Variants in SYT17 observed in about 807,000 individuals in gnomAD.
The protein encoded by SYT17 is synaptotagmin-17.
Under a neutral mutation model 46.7 loss-of-function variants are expected in SYT17, and 22 were observed. The observed-to-expected ratio is 0.47, with a 90% CI of 0.34 to 0.67. The LOEUF (loss-of-function observed/expected upper bound fraction) is 0.67. Among genes scored for constraint, SYT17 ranks in the 30% least tolerant of loss-of-function variants. SYT17 has a pLI of 0.01. For missense variants in SYT17, 519 were observed against 612.8 expected, an observed-to-expected ratio of 0.85 and a Z score of 1.62; for synonymous variants, 251 against 248.4, an observed-to-expected ratio of 1.01 and a Z score of -0.10.
At chr16:19,211,454 T>G (rs1382884509) in intron 5 of SYT17, 3 of 703,470 alleles carry the variant, frequency 4.3e-6, no homozygotes, top group Non-Finnish European at 7.8e-6. Flanking sequence ...GAGAAAAAGG[T>G]AAGGACCAAG....
intron 5 of SYT17, among the ~76,000 whole-genome samples, chr16:19,197,458 A>AT (rs778828100): frequency 9.3e-5 from 13 of 139,784 alleles, no homozygotes; most frequent in Non-Finnish European, 1.9e-4. Flanking sequence ...TATTATTATT[A>AT]TTTTTTTTGA....
chr16:19,220,299 C>CTTTCTTTT lies in SYT17; in HGVS notation c.952-2742_952-2735dup, dbSNP rs1391724932. 3.3e-4 allele frequency among the ~76,000 whole-genome samples: 12 copies of CTTTCTTTT among 36,364 alleles called. 1 individual carries two copies. Among genetic ancestry groups the CTTTCTTTT allele is most frequent in the African/African-American group, 1.6e-3 (11 of 7,036 alleles). The allele number at this position is 36,364 out of a possible 152,430, so 23.9% of individuals were successfully genotyped here. On this transcript the variant is annotated intron_variant, in intron 5 of 7. Coordinates refer to ENST00000355377, the MANE Select transcript of SYT17 (RefSeq NM_016524.4). Reference sequence around the variant, plus strand: ...ATTATTCAATGACATTTCTTTCTTTCTTTCTTTTTTTTTTTTTTTTTGAGA... The same window carrying CTTTCTTTT: ...ATTATTCAATGACATTTCTTTCTTTCTTTCTTTTTTTCTTTTTTTTTTTTTTTTTGAGA...
chr16:19,198,982 G>A (rs534358257), intron 5 of SYT17, among the ~76,000 whole-genome samples: 63 of 152,070 alleles, frequency 4.1e-4, no homozygotes, highest in Non-Finnish European at 7.9e-4. Context: ...CTGAGTGGTC[G>A]GTGGGTGGGT....
intron 5 of SYT17, among the ~76,000 whole-genome samples, chr16:19,206,890 C>G (rs372958685): frequency 2.0e-5 from 3 of 152,322 alleles, no homozygotes; most frequent in African/African-American, 7.2e-5. Context: ...ACCCCCATTG[C>G]TATAGTTTGG....
intron 5 of SYT17, among the ~76,000 whole-genome samples, chr16:19,186,605 G>C (rs1964801076): frequency 2.6e-5 from 4 of 152,264 alleles, no homozygotes; most frequent in Admixed American, 2.6e-4. Flanking sequence ...CCTTGCTGGT[G>C]CTATTATCAG....
At chr16:19,215,589 T>G (rs229027) in intron 5 of SYT17, among the ~76,000 whole-genome samples, 45,043 of 151,994 alleles carry the variant, frequency 0.3, 7,513 homozygotes, top group African/African-American at 0.44. Flanking sequence ...TTTTTTAATT[T>G]TTTTGTAGCA....
At chr16:19,217,066 C>A (rs768506537) in intron 5 of SYT17, among the ~76,000 whole-genome samples, 2 of 152,088 alleles carry the variant, frequency 1.3e-5, no homozygotes, top group Admixed American at 1.3e-4. Context: ...TTTTAATGAT[C>A]GCCATTTTAA....
At chr16:19,182,143 G>A (rs531941441) in intron 4 of SYT17, among the ~76,000 whole-genome samples, 8 of 152,186 alleles carry the variant, frequency 5.3e-5, no homozygotes, top group Non-Finnish European at 7.4e-5. Context: ...GGCTGGGCGC[G>A]GTGGCTCACG....
At chr16:19,193,129 T>C (rs1448630950) in intron 5 of SYT17, among the ~76,000 whole-genome samples, 1 of 152,246 alleles carries the variant, frequency 6.6e-6, no homozygotes, top group African/African-American at 2.4e-5. Context: ...GATGTTGTGA[T>C]GGTTTCATAA....
At chr16:19,188,106 T>C (rs1384477204) in intron 5 of SYT17, among the ~76,000 whole-genome samples, 1 of 152,162 alleles carries the variant, frequency 6.6e-6, no homozygotes, top group Non-Finnish European at 1.5e-5. Context: ...AGTGATAGAC[T>C]GGATAAAGAA....
chr16:19,170,985 C>G (rs1385109965), intron 1 of SYT17: 1 of 152,110 alleles, frequency 6.6e-6, no homozygotes, highest in Admixed American at 6.5e-5. Flanking sequence ...CCTGTCCCAC[C>G]TCAACAGCAC....
At chr16:19,172,809 T>C (rs1964152196) in intron 2 of SYT17, 32 bp downstream of exon 2, 1 of 1,613,826 alleles carries the variant, frequency 6.2e-7, no homozygotes. Context: ...TTTGGTCTGG[T>C]TTCTAATCAA....
chr16:19,177,381 A>G (rs1358717357), intron 3 of SYT17, among the ~76,000 whole-genome samples: 2 of 152,248 alleles, frequency 1.3e-5, no homozygotes, highest in East Asian at 3.8e-4. Context: ...AACACTGGGC[A>G]GTGCTTAATA....
chr16:19,220,446 A>C (rs1021499833), intron 5 of SYT17, among the ~76,000 whole-genome samples: 24 of 151,690 alleles, frequency 1.6e-4, no homozygotes, highest in Admixed American at 1.2e-3. Flanking sequence ...TCACAGGTGC[A>C]CACCACCATG....
intron 6 of SYT17, among the ~76,000 whole-genome samples, 192 bp downstream of exon 6, chr16:19,223,357 A>G (rs747492192): frequency 1.6e-4 from 24 of 152,210 alleles, no homozygotes; most frequent in Non-Finnish European, 3.1e-4. Context: ...ACTACTGGAA[A>G]CTTAAAACCT....
intron 1 of SYT17, among the ~76,000 whole-genome samples, chr16:19,169,169 C>A (rs1007126293): frequency 6.6e-6 from 1 of 152,092 alleles, no homozygotes; most frequent in Non-Finnish European, 1.5e-5. Context: ...ACCCAGAGGC[C>A]AGAGGCGCGC....
chr16:19,226,532 T>C (rs897848449), intron 7 of SYT17, among the ~76,000 whole-genome samples: 1 of 152,218 alleles, frequency 6.6e-6, no homozygotes, highest in African/African-American at 2.4e-5. Flanking sequence ...CTGTCACCCA[T>C]AGAGTCTGCG....
intron 5 of SYT17, among the ~76,000 whole-genome samples, chr16:19,192,697 G>T (rs1170557033): frequency 1.3e-5 from 2 of 152,192 alleles, no homozygotes; most frequent in Non-Finnish European, 2.9e-5. Flanking sequence ...GTAAGGTGGC[G>T]GTGACAAAGG....
intron 7 of SYT17, among the ~76,000 whole-genome samples, chr16:19,255,612 C>T (rs1968504760): frequency 6.6e-6 from 1 of 151,910 alleles, no homozygotes; most frequent in Admixed American, 6.6e-5. Context: ...CATAGCAAGA[C>T]CCCATGTCTA....
Sources: allele counts gnomAD v4.1 joint callset (sites outside exome capture counted in the v4.1 genomes callset), GRCh38; gene constraint gnomAD v4.1.1; transcripts MANE v1.5; gene names NCBI Gene and HGNC (gene_info 2026-07-23, HGNC 2026-07-21).